LEPROTL1: variants seen among roughly 807,000 people sequenced by gnomAD.
LEPROTL1 encodes the protein leptin receptor overlapping transcript-like 1.
A neutral mutation model predicts 15.4 loss-of-function variants in LEPROTL1; 6 were observed. That is an observed-to-expected ratio of 0.39 (90% CI 0.21 to 0.77). The LOEUF (loss-of-function observed/expected upper bound fraction) is 0.77. Among genes scored for constraint, LEPROTL1 ranks in the 30% least tolerant of loss-of-function variants. LEPROTL1 has a pLI of 0.41. For missense variants in LEPROTL1, 128 were observed against 158.1 expected (o/e 0.81, Z 1.02); for synonymous variants, 56 against 52.6 (o/e 1.06, Z -0.28).
At chr8:30,133,708 G>A (rs1335445060) in intron 4 of LEPROTL1, among the ~76,000 whole-genome samples, 4 of 149,486 alleles carry the variant, frequency 2.7e-5, no homozygotes, top group Non-Finnish European at 5.9e-5. Flanking sequence ...TGGAACCCTT[G>A]AGCCCAGGAG....
chr8:30,124,037 G>A (rs1802872767), intron 3 of LEPROTL1, among the ~76,000 whole-genome samples: 1 of 151,186 alleles, frequency 6.6e-6, no homozygotes, highest in African/African-American at 2.4e-5. Context: ...GTGCAGTGAA[G>A]AAGAAACTAC....
intron 3 of LEPROTL1, among the ~76,000 whole-genome samples, chr8:30,131,038 C>T (rs1268842318): frequency 6.6e-6 from 1 of 151,858 alleles, no homozygotes; most frequent in East Asian, 1.9e-4. Context: ...TTGTGATCCG[C>T]CCGTCTCGGC....
chr8:30,106,143 G>T lies in LEPROTL1; in HGVS notation c.*281G>T, dbSNP rs1030120953. On this transcript the variant is annotated 3_prime_UTR_variant, in exon 4 of 4. Transcript: ENST00000321250. ...ATTTAAATATTTATGTGTTTTTCCT[G>T]TTAGGTTGATTTTTTTTGGAATCAA... is the stretch of plus-strand genomic sequence containing the variant. The T allele has an allele frequency of 8.7e-5, 87 of 1,003,426 alleles. 1 individual carries two copies. The highest frequency in any genetic ancestry group is 4.1e-4 in the Admixed American group (7 of 16,894). The allele number at this position is 1,003,426 out of a possible 1,614,324, so 62.2% of individuals were successfully genotyped here. A position where few individuals can be genotyped will look rare whatever the true frequency, so the allele number is the denominator to read the frequency against.
intron 4 of LEPROTL1, chr8:30,132,856 G>A: frequency 6.5e-7 from 1 of 1,550,326 alleles, no homozygotes. Context: ...CAGAGAGAGG[G>A]ACGTGACCCT....
intron 3 of LEPROTL1, among the ~76,000 whole-genome samples, 177 bp from the exon 4 acceptor site, chr8:30,105,569 T>A (rs1337663092): frequency 6.8e-6 from 1 of 148,086 alleles, no homozygotes; most frequent in Non-Finnish European, 1.5e-5. Flanking sequence ...TATATTTTTT[T>A]ACTATATATA....
intron 3 of LEPROTL1, among the ~76,000 whole-genome samples, chr8:30,125,925 G>A (rs1042354152): frequency 8.5e-5 from 13 of 152,160 alleles, no homozygotes; most frequent in African/African-American, 3.1e-4. Flanking sequence ...TTTGGAAAAA[G>A]CTCACATAAA....
In LEPROTL1 at chr8:30,128,118, G is replaced by A. The variant is rs533083251; in HGVS notation, c.280-4257G>A. 5.3e-5 allele frequency among the ~76,000 whole-genome samples: 8 copies of A among 152,254 alleles called. No individual in the cohort carries two copies. In the South Asian group the frequency reaches 1.2e-3, roughly 24 times the overall value. On this transcript the variant is annotated intron_variant, in intron 3 of 4. Transcript: ENST00000442880. ...CTCTGTTTCTGCCCATCTTGGATCC[G>A]GGCTGTCCTCTGGGCAGACAGATGG...
intron 3 of LEPROTL1, among the ~76,000 whole-genome samples, chr8:30,126,107 G>T (rs1248724442): frequency 6.6e-6 from 1 of 152,064 alleles, no homozygotes; most frequent in African/African-American, 2.4e-5. Flanking sequence ...GATTGCAATT[G>T]GTCATTGCAA....
chr8:30,102,549 G>A (rs2117481405), intron 2 of LEPROTL1, among the ~76,000 whole-genome samples: 1 of 152,006 alleles, frequency 6.6e-6, no homozygotes, highest in African/African-American at 2.4e-5. Flanking sequence ...GTACTCGGGA[G>A]GCTGAGGCAG....
chr8:30,124,349 T>TA (rs1374800641), intron 3 of LEPROTL1, among the ~76,000 whole-genome samples: 5 of 152,152 alleles, frequency 3.3e-5, no homozygotes, highest in Non-Finnish European at 5.9e-5. Context: ...TTCAAACCTA[T>TA]AAAAAATAGA....
At chr8:30,115,631 A>G (rs1271319914) in intron 3 of LEPROTL1, among the ~76,000 whole-genome samples, 3 of 148,220 alleles carry the variant, frequency 2.0e-5, no homozygotes, top group African/African-American at 7.5e-5. Flanking sequence ...TCACAAATAG[A>G]TAAGGAAAAG....
At chr8:30,096,222 A>G (rs1294899582) in intron 1 of LEPROTL1, 2 of 931,832 alleles carry the variant, frequency 2.1e-6, no homozygotes, top group African/African-American at 1.8e-5. Context: ...TTAAGAAGAT[A>G]AAATACTGGT....
At chr8:30,131,423 G>T (rs1258372229) in intron 3 of LEPROTL1, among the ~76,000 whole-genome samples, 1 of 151,586 alleles carries the variant, frequency 6.6e-6, no homozygotes, top group Non-Finnish European at 1.5e-5. Flanking sequence ...GCAAAGTGCT[G>T]GGATTACAGT....
chr8:30,122,550 G>A (rs1802845294), intron 3 of LEPROTL1, among the ~76,000 whole-genome samples: 1 of 152,318 alleles, frequency 6.6e-6, no homozygotes, highest in Middle Eastern at 3.4e-3. Context: ...CAACACTTTG[G>A]GAGGCCAAGG....
In LEPROTL1 at chr8:30,095,411, C is replaced by T. The variant is rs1322806100; in HGVS notation, c.-102C>T. On this transcript the variant is annotated 5_prime_UTR_variant, in exon 1 of 4. Transcript: ENST00000321250. Reference sequence around the variant, plus strand: ...GCCGGCGGAAGTGCTGCGTCGCGCACTTCCGGGTGTTGTCTGGCCGCCGTA... The same window carrying T: ...GCCGGCGGAAGTGCTGCGTCGCGCATTTCCGGGTGTTGTCTGGCCGCCGTA... 5.7e-6 allele frequency: 7 copies of T among 1,235,842 alleles called. No homozygotes were observed. The South Asian group carries it at 5.9e-5, about 10-fold the overall frequency. 76.6% of individuals were successfully genotyped at this position (1,235,842 alleles called of 1,614,324 possible). A position where few individuals can be genotyped will look rare whatever the true frequency, so the allele number is the denominator to read the frequency against.
intron 1 of LEPROTL1, among the ~76,000 whole-genome samples, chr8:30,096,580 G>A (rs1802371219): frequency 6.6e-6 from 1 of 152,108 alleles, no homozygotes; most frequent in Admixed American, 6.6e-5. Flanking sequence ...AAGCAACTGG[G>A]ATACTTTGTA....
intron 4 of LEPROTL1, among the ~76,000 whole-genome samples, chr8:30,134,848 A>G (rs1428241512): frequency 6.6e-6 from 1 of 150,652 alleles, no homozygotes; most frequent in African/African-American, 2.4e-5. Flanking sequence ...GCTCCCAGCC[A>G]TAAGCATCCT....
chr8:30,116,848 A>G (rs1355688216), intron 3 of LEPROTL1, among the ~76,000 whole-genome samples: 1 of 152,158 alleles, frequency 6.6e-6, no homozygotes, highest in South Asian at 2.1e-4. Context: ...GGGACCTACT[A>G]CTTGTGATTG....
At chr8:30,121,921 T>C (rs2117514633) in intron 3 of LEPROTL1, among the ~76,000 whole-genome samples, 1 of 152,162 alleles carries the variant, frequency 6.6e-6, no homozygotes, top group South Asian at 2.1e-4. Flanking sequence ...ATCCTAGCAC[T>C]TTGGGAGGCC....
Sources: allele counts gnomAD v4.1 joint callset (sites outside exome capture counted in the v4.1 genomes callset), GRCh38; gene constraint gnomAD v4.1.1; transcripts MANE v1.5; gene names NCBI Gene and HGNC (gene_info 2026-07-23, HGNC 2026-07-21).